The following ACTR10 variants were observed in gnomAD, a reference collection of about 807,000 sequenced individuals.
ACTR10 encodes the protein actin-related protein 10.
A neutral mutation model predicts 56.2 loss-of-function variants in ACTR10; 43 were observed. That is an observed-to-expected ratio of 0.77 (90% CI 0.60 to 0.99). The LOEUF is 0.99. Among genes scored for constraint, ACTR10 ranks in the 50% least tolerant of loss-of-function variants. The pLI, the probability that ACTR10 is intolerant of heterozygous loss-of-function variation, is 0.00. For synonymous variants in ACTR10, 170 were observed against 176.3 expected (o/e 0.96, Z 0.28); for missense variants, 466 against 507.8 (o/e 0.92, Z 0.79).
At chr14:58,210,731 A>G (rs58244431) in intron 4 of ACTR10, among the ~76,000 whole-genome samples, 5,757 of 149,588 alleles carry the variant, frequency 0.038, 156 homozygotes, top group Non-Finnish European at 0.056. Flanking sequence ...CTGGAGTGCA[A>G]TGGCGCGATC....
At chr14:58,231,467 AATAAT>A (rs1889531990) in intron 11 of ACTR10, among the ~76,000 whole-genome samples, 1 of 152,196 alleles carries the variant, frequency 6.6e-6, no homozygotes, top group South Asian at 2.1e-4. Context: ...GACATATGGT[AATAAT>A]ATGTCTCTTT....
chr14:58,208,557 A>C (rs971860271), intron 3 of ACTR10, among the ~76,000 whole-genome samples: 1 of 152,062 alleles, frequency 6.6e-6, no homozygotes, highest in South Asian at 2.1e-4. Context: ...TGTAACCTAA[A>C]AAAAAAGAAA....
At position 58,232,235 on chromosome 14, in the gene ACTR10, C is replaced by T. The variant is rs1889556007; in HGVS notation, c.1040C>T (p.Pro347Leu). 1.2e-6 allele frequency: 2 copies of T among 1,613,552 alleles called. No individual in the cohort carries two copies. The highest frequency in any genetic ancestry group is 1.1e-5 in the South Asian group (1 of 91,028). Residue 347 changes from proline to leucine, a missense_variant, in exon 12 of 13, where the codon CCT becomes CTT. Coordinates refer to ENST00000254286, the MANE Select transcript of ACTR10 (RefSeq NM_018477.3). Reference protein sequence around the residue: ...GTKTFRIHTPPAKANCVAWLG... With the variant: ...GTKTFRIHTPLAKANCVAWLG... The stretch of plus-strand genomic sequence containing the variant: ...AAGACATTTCGAATTCATACTCCAC[C>T]TGCAAAAGCTAATTGTGTGGCCTGG...
At chr14:58,203,071 G>A in intron 2 of ACTR10, 144 bp downstream of exon 2, 1 of 514,602 alleles carries the variant, frequency 1.9e-6, no homozygotes, top group Non-Finnish European at 3.4e-6. Context: ...GGTGGCTGAG[G>A]CGGGTGGATC....
chr14:58,205,294 C>T (rs1004244778), intron 2 of ACTR10, among the ~76,000 whole-genome samples: 8 of 150,636 alleles, frequency 5.3e-5, no homozygotes, highest in Non-Finnish European at 7.4e-5. Flanking sequence ...TTATATTTGG[C>T]ATTTACATAC....
At chr14:58,229,541 G>A (rs926410908) in intron 10 of ACTR10, among the ~76,000 whole-genome samples, 7 of 151,986 alleles carry the variant, frequency 4.6e-5, no homozygotes, top group Non-Finnish European at 5.9e-5. Flanking sequence ...AGCCGGGCGC[G>A]GTGGCGGGCA....
chr14:58,201,863 G>A (rs1888711809), intron 1 of ACTR10, among the ~76,000 whole-genome samples: 1 of 152,018 alleles, frequency 6.6e-6, no homozygotes, highest in Non-Finnish European at 1.5e-5. Context: ...AATTTAGCCG[G>A]CGGTAGTGTC....
At chr14:58,229,515 A>G (rs956370175) in intron 10 of ACTR10, among the ~76,000 whole-genome samples, 1 of 151,822 alleles carries the variant, frequency 6.6e-6, no homozygotes, top group Admixed American at 6.6e-5. Flanking sequence ...CGTCTCTACT[A>G]AAAATACAAA....
At chr14:58,210,482 C>G (rs780998489) in intron 4 of ACTR10, among the ~76,000 whole-genome samples, 10 of 151,512 alleles carry the variant, frequency 6.6e-5, no homozygotes, top group Non-Finnish European at 1.2e-4. Context: ...GGCAATGGAG[C>G]AAGACTTTGT....
At chr14:58,228,888 G>A (rs1889465989) in intron 10 of ACTR10, among the ~76,000 whole-genome samples, 2 of 151,246 alleles carry the variant, frequency 1.3e-5, no homozygotes, top group African/African-American at 4.9e-5. Flanking sequence ...ATGGGGTGGA[G>A]GCACAATATA....
intron 8 of ACTR10, among the ~76,000 whole-genome samples, chr14:58,220,540 G>A (rs1245765185): frequency 3.3e-5 from 5 of 152,214 alleles, no homozygotes; most frequent in African/African-American, 1.2e-4. Context: ...AAATAATACA[G>A]AAATATCTCA....
Position 58,223,647 on chromosome 14 carries a change from G to A in ACTR10, c.660G>A (p.Leu220=). 2 of 1,612,932 alleles carry A rather than the reference G, an allele frequency of 1.2e-6. No individual in the cohort carries two copies. Among genetic ancestry groups the A allele is most frequent in the Non-Finnish European group, 1.7e-6 (2 of 1,179,676 alleles). The change falls in exon 9 of 13, where the codon CTG becomes CTA. Residue 220 remains leucine, a synonymous_variant. Transcript: ENST00000254286. ...CGCGTACTTGCTTTGTAAGTGATCT[G>A]AAGCGAGGACTAAAAATCCAAGCAG... ...IKARTCFVSD[L]KRGLKIQAAK... is the part of the protein sequence containing the mutation.
At chr14:58,230,367 A>G (rs758346821) in intron 10 of ACTR10, 32 bp from the exon 11 acceptor site, 1 of 1,344,796 alleles carries the variant, frequency 7.4e-7, no homozygotes, top group Non-Finnish European at 1.0e-6. Flanking sequence ...ACGTGACACC[A>G]ACAGAAAGCT....
chr14:58,233,499 G>A (rs1041239556), intron 12 of ACTR10, among the ~76,000 whole-genome samples: 1 of 152,198 alleles, frequency 6.6e-6, no homozygotes, highest in African/African-American at 2.4e-5. Flanking sequence ...CATCATGAAT[G>A]TATAAAAATA....
At chr14:58,215,780 A>G (rs553344867) in intron 7 of ACTR10, among the ~76,000 whole-genome samples, 2 of 152,106 alleles carry the variant, frequency 1.3e-5, no homozygotes, top group African/African-American at 4.8e-5. Flanking sequence ...TTTCCAACTG[A>G]TTATTAGAGA....
rs1468544164 is a variant in ACTR10, at chr14:58,230,181, G to C, written c.789-218G>C. On this transcript the variant is annotated intron_variant, in intron 10 of 12. Transcript: ENST00000254286. The stretch of plus-strand genomic sequence containing the variant: ...GAATGCCTCCTATGTGCCAGACCCT[G>C]TTCTATTAACTCATTGCATCTTCAC... Among the ~76,000 whole-genome samples, 3 of 152,160 alleles carry C rather than the reference G, an allele frequency of 2.0e-5. No individual in the cohort carries two copies. The East Asian group carries it at 5.8e-4, about 29-fold the overall frequency.
rs139980361 is a variant in ACTR10, at chr14:58,219,288, G to C, written c.599-406G>C. 2.6e-5 allele frequency among the ~76,000 whole-genome samples: 4 copies of C among 152,240 alleles called. No homozygotes were observed. In the East Asian group the frequency reaches 7.7e-4, roughly 29 times the overall value. On this transcript the variant is annotated intron_variant, in intron 7 of 12. Coordinates refer to ENST00000254286, the MANE Select transcript of ACTR10 (RefSeq NM_018477.3). Reference sequence around the variant, plus strand: ...GTATCTTTAGCTGAACTTTGAATGAGCCTCTTTCATTTAGTATTTAGAACC... The same window carrying C: ...GTATCTTTAGCTGAACTTTGAATGACCCTCTTTCATTTAGTATTTAGAACC...
chr14:58,202,986 G>A (rs1224011894), intron 2 of ACTR10, 59 bp downstream of exon 2: 11 of 1,190,476 alleles, frequency 9.2e-6, no homozygotes, highest in African/African-American at 7.7e-5. Context: ...TTTAAAATAT[G>A]ACTTCAAGTA....
chr14:58,220,343 A>G (rs1489724145), intron 8 of ACTR10, among the ~76,000 whole-genome samples: 1 of 125,986 alleles, frequency 7.9e-6, no homozygotes, highest in Non-Finnish European at 1.7e-5. Context: ...GAGATAATCT[A>G]ATACAGTTGG....
Sources: allele counts gnomAD v4.1 joint callset (sites outside exome capture counted in the v4.1 genomes callset), GRCh38; gene constraint gnomAD v4.1.1; transcripts MANE v1.5; gene names NCBI Gene and HGNC (gene_info 2026-07-23, HGNC 2026-07-21).